Variants in LRRC8C observed in about 807,000 individuals in gnomAD.
The protein encoded by LRRC8C is leucine rich repeat containing 8 VRAC subunit C.
In LRRC8C, 20 loss-of-function variants were observed where a neutral mutation model predicts 55.3. That is an observed-to-expected ratio of 0.36 (90% CI 0.25 to 0.53). The LOEUF (loss-of-function observed/expected upper bound fraction) is 0.53. Among genes scored for constraint, LRRC8C ranks in the 20% least tolerant of loss-of-function variants. The probability of loss-of-function intolerance (pLI) is 0.92; values close to 1 mark genes in which losing one functional copy is unlikely to be tolerated. For synonymous variants in LRRC8C, 376 were observed against 360.7 expected (o/e 1.04, Z -0.48); for missense variants, 659 against 951.4 (o/e 0.69, Z 4.04).
chr1:89,698,791 C>G (rs1203868935), intron 2 of LRRC8C, among the ~76,000 whole-genome samples: 1 of 151,934 alleles, frequency 6.6e-6, no homozygotes, highest in Admixed American at 6.6e-5. Flanking sequence ...TAAAAACAGA[C>G]CTTTTACTCT....
In LRRC8C at chr1:89,716,984, T is replaced by C. The variant is rs2101375413; in HGVS notation, c.*2002T>C. 6.6e-6 allele frequency: 1 copy of C among 152,014 alleles called. No homozygotes were observed. Among genetic ancestry groups the C allele is most frequent in the Middle Eastern group, 3.4e-3 (1 of 294 alleles). 9.4% of individuals were successfully genotyped at this position (152,014 alleles called of 1,614,324 possible). On this transcript the variant is annotated 3_prime_UTR_variant, in exon 3 of 3. Coordinates refer to ENST00000370454, the MANE Select transcript of LRRC8C (RefSeq NM_032270.5). Reference sequence around the variant, plus strand: ...TTTACGTTTCTGCTCTATGTTAATGTTTTAGAATGGTGATTTTGCTGATTA... The same window carrying C: ...TTTACGTTTCTGCTCTATGTTAATGCTTTAGAATGGTGATTTTGCTGATTA...
chr1:89,666,467 C>T (rs1191571917), intron 1 of LRRC8C, among the ~76,000 whole-genome samples: 1 of 152,098 alleles, frequency 6.6e-6, no homozygotes, highest in African/African-American at 2.4e-5. Context: ...CAGGACAGTT[C>T]TTGTCCCACT....
intron 2 of LRRC8C, among the ~76,000 whole-genome samples, chr1:89,692,719 A>G (rs981003313): frequency 1.3e-5 from 2 of 152,212 alleles, no homozygotes; most frequent in Non-Finnish European, 2.9e-5. Context: ...GTGTAGGAGT[A>G]TATGTGTCTG....
In LRRC8C at chr1:89,713,715, C is replaced by T; in HGVS notation, c.1145C>T (p.Pro382Leu). The change falls in exon 3 of 3, where the codon CCT becomes CTT. Residue 382 changes from proline to leucine, a missense_variant. Pro to Leu is a moderately conservative substitution (Grantham distance 98, BLOSUM62 -3). Around this residue, in one of 5 missense-constraint regions of LRRC8C, gnomAD observed 200 missense variants for 360.5 expected, o/e 0.55. Coordinates refer to ENST00000370454, the MANE Select transcript of LRRC8C (RefSeq NM_032270.5). This position sits in a 1 kb window ranked among gnomAD's most constrained non-coding sequence, Gnocchi z 5.2. ...CTTCATATGATAGATCAGTATGACC[C>T]TCTCTATTCCAAGAGATTTGCAGTG... ...FMLHMIDQYD[P>L]LYSKRFAVFL... 1.2e-6 allele frequency: 2 copies of T among 1,614,168 alleles called. No individual in the cohort carries two copies. Among genetic ancestry groups the T allele is most frequent in the Non-Finnish European group, 1.7e-6 (2 of 1,180,020 alleles).
chr1:89,683,146 T>TAATG (rs560536776), intron 1 of LRRC8C, among the ~76,000 whole-genome samples: 90 of 152,362 alleles, frequency 5.9e-4, no homozygotes, highest in African/African-American at 1.9e-3. Flanking sequence ...GTGGTGATAT[T>TAATG]AATGAATGTG....
chr1:89,616,479 C>T, the LRRC8C span, among the ~76,000 whole-genome samples: 1 of 152,192 alleles, frequency 6.6e-6, no homozygotes, highest in Non-Finnish European at 1.5e-5. Flanking sequence ...GAATTAGCTC[C>T]AATTTGCCTG....
At chr1:89,665,513 A>G (rs1657235105) in intron 1 of LRRC8C, among the ~76,000 whole-genome samples, 1 of 152,188 alleles carries the variant, frequency 6.6e-6, no homozygotes, top group Non-Finnish European at 1.5e-5. Flanking sequence ...AAAAAGCAAA[A>G]TATAATAATT....
At position 89,657,407 on chromosome 1, in the gene LRRC8C, G is replaced by A. The variant is rs960063007; in HGVS notation, c.-5+24085G>A. ...TGTCTTTATGAATGGTTTGCCTAACGTGGTAGTGGGCCCAGGAAGTAGTGA... is the reference window on the plus strand; with the variant it reads ...TGTCTTTATGAATGGTTTGCCTAACATGGTAGTGGGCCCAGGAAGTAGTGA... On this transcript the variant is annotated intron_variant, in intron 1 of 2. Coordinates refer to ENST00000370454, the MANE Select transcript of LRRC8C (RefSeq NM_032270.5). Among the ~76,000 whole-genome samples, 26 of 152,198 alleles carry A rather than the reference G, an allele frequency of 1.7e-4. 2 individuals carry two copies. The highest frequency in any genetic ancestry group is 9.2e-4 in the Admixed American group (14 of 15,286).
Position 89,714,961 on chromosome 1 carries a change from G to C in LRRC8C, c.2391G>C (p.Arg797=). The part of the protein sequence containing the change: ...ALFETLPSDV[R]EQMKTE Reference sequence around the variant, plus strand: ...TTGAAACTCTGCCTTCTGACGTCCGGGAGCAAATGAAAACAGAATAACTTA... The same window carrying C: ...TTGAAACTCTGCCTTCTGACGTCCGCGAGCAAATGAAAACAGAATAACTTA... The change falls in exon 3 of 3, where the codon CGG becomes CGC. Residue 797 remains arginine, a synonymous_variant. Transcript: ENST00000370454. This position sits in a 1 kb window ranked among gnomAD's most constrained non-coding sequence, Gnocchi z 4.6. 6.3e-7 allele frequency: 1 copy of C among 1,584,560 alleles called. No individual in the cohort carries two copies. Among genetic ancestry groups the C allele is most frequent in the African/African-American group, 1.4e-5 (1 of 73,272 alleles).
intron 1 of LRRC8C, among the ~76,000 whole-genome samples, chr1:89,648,594 GATATA>G (rs1557648158): frequency 6.6e-6 from 1 of 152,138 alleles, no homozygotes; most frequent in Non-Finnish European, 1.5e-5. Context: ...GCTTTATTGA[GATATA>G]ATATACAAAC....
At chr1:89,701,871 T>C (rs1438291225) in intron 2 of LRRC8C, among the ~76,000 whole-genome samples, 2 of 152,178 alleles carry the variant, frequency 1.3e-5, no homozygotes, top group Non-Finnish European at 2.9e-5. Context: ...CTGAATCAAT[T>C]GCTGGGCTCT....
intron 1 of LRRC8C, among the ~76,000 whole-genome samples, chr1:89,660,633 T>G (rs556958062): frequency 6.6e-6 from 1 of 152,306 alleles, no homozygotes; most frequent in East Asian, 1.9e-4. Flanking sequence ...AGTCCATGTG[T>G]TTTCCCTTTG....
chr1:89,671,193 A>G (rs984096874), intron 1 of LRRC8C, among the ~76,000 whole-genome samples: 1 of 152,144 alleles, frequency 6.6e-6, no homozygotes, highest in Non-Finnish European at 1.5e-5. Flanking sequence ...CCACCCCAGT[A>G]GTCACATATT....
intron 2 of LRRC8C, chr1:89,706,268 G>C (rs1410285048): frequency 2.2e-6 from 1 of 455,466 alleles, no homozygotes; most frequent in Admixed American, 2.4e-5. Flanking sequence ...TAATAGATAA[G>C]CTGCCTTCGT....
At chr1:89,662,992 G>C (rs1657159624) in intron 1 of LRRC8C, among the ~76,000 whole-genome samples, 1 of 151,980 alleles carries the variant, frequency 6.6e-6, no homozygotes, top group South Asian at 2.1e-4. Context: ...CCCCTGACAG[G>C]TCCCAGTGTG....
upstream of LRRC8C, chr1:89,632,854 G>A (rs1008370282): frequency 2.6e-5 from 4 of 152,408 alleles, no homozygotes; most frequent in East Asian, 1.9e-4. Flanking sequence ...TGGTCCTGGA[G>A]AAGGCCCCCG....
intron 2 of LRRC8C, among the ~76,000 whole-genome samples, chr1:89,689,345 C>A (rs1041579831): frequency 6.6e-6 from 1 of 152,128 alleles, no homozygotes; most frequent in Non-Finnish European, 1.5e-5. Flanking sequence ...GGTGCCAGAT[C>A]ACGTAGGGCC....
upstream of LRRC8C, among the ~76,000 whole-genome samples, chr1:89,628,505 C>T (rs1198275742): frequency 1.3e-5 from 2 of 152,162 alleles, no homozygotes; most frequent in Non-Finnish European, 2.9e-5. Context: ...TGTTGCACCT[C>T]GGCCTCCCAG....
chr1:89,718,151 A>G lies in LRRC8C; in HGVS notation c.*3169A>G. 1 of 152,172 alleles carries G rather than the reference A, an allele frequency of 6.6e-6. No homozygotes were observed. Among genetic ancestry groups the G allele is most frequent in the East Asian group, 1.9e-4 (1 of 5,200 alleles). The allele number at this position is 152,172 out of a possible 1,614,324, so 9.4% of individuals were successfully genotyped here. A position where few individuals can be genotyped will look rare whatever the true frequency, so the allele number is the denominator to read the frequency against. ...CTTTTAATATAAAGATTCTTGATAC[A>G]GTGAAATCTCTTATTTCAAGTGTAA... On this transcript the variant is annotated 3_prime_UTR_variant, in exon 3 of 3. Coordinates refer to ENST00000370454, the MANE Select transcript of LRRC8C (RefSeq NM_032270.5).
Sources: allele counts gnomAD v4.1 joint callset (sites outside exome capture counted in the v4.1 genomes callset), GRCh38; gene constraint gnomAD v4.1.1; regional missense constraint gnomAD v4.1.1; non-coding constraint Gnocchi (gnomAD v3.1); transcripts MANE v1.5; gene names NCBI Gene and HGNC (gene_info 2026-07-23, HGNC 2026-07-21).